The following RAB35 variants were observed in gnomAD, a reference collection of about 807,000 sequenced individuals.
RAB35 encodes ras-related protein Rab-35.
In RAB35, 4 loss-of-function variants were observed where a neutral mutation model predicts 28.9. That is an observed-to-expected ratio of 0.14 (90% CI 0.07 to 0.32). RAB35 has a LOEUF of 0.32. Ranked by LOEUF, RAB35 falls within the 10% of genes least tolerant of loss-of-function variation. The probability of loss-of-function intolerance (pLI) is 1.00; values close to 1 mark genes in which losing one functional copy is unlikely to be tolerated. For synonymous variants in RAB35, 99 were observed against 105.1 expected, an observed-to-expected ratio of 0.94 and a Z score of 0.35; for missense variants, 128 against 274.0, an observed-to-expected ratio of 0.47 and a Z score of 3.76.
At position 120,116,747 on chromosome 12, in the gene RAB35, C is replaced by G. The variant is rs1876360138; in HGVS notation, c.-97G>C. On this transcript the variant is annotated 5_prime_UTR_variant, in exon 1 of 6. Transcript: ENST00000229340. ...TGCTCCGGCAGCGGCGGATCCACTTCCCGAACAAACAGCCGGAACTGACAG... is the reference window on the plus strand; with the variant it reads ...TGCTCCGGCAGCGGCGGATCCACTTGCCGAACAAACAGCCGGAACTGACAG... 3 of 1,189,038 alleles carry G rather than the reference C, an allele frequency of 2.5e-6. No homozygotes were observed. Among genetic ancestry groups the G allele is most frequent in the Non-Finnish European group, 3.1e-6 (3 of 958,742 alleles). The allele number at this position is 1,189,038 out of a possible 1,614,324, so 73.7% of individuals were successfully genotyped here.
intron 1 of RAB35, 135 bp downstream of exon 1, chr12:120,116,464 G>A: frequency 1.7e-6 from 1 of 572,046 alleles, no homozygotes; most frequent in Non-Finnish European, 2.2e-6. Context: ...GCGCACCCCT[G>A]GGGCCCAGAC....
At chr12:120,109,980 T>G (rs936822763) in intron 1 of RAB35, among the ~76,000 whole-genome samples, 1 of 152,196 alleles carries the variant, frequency 6.6e-6, no homozygotes, top group Admixed American at 6.5e-5. Context: ...TCTTTGATTA[T>G]AATTCTGGCC....
intron 5 of RAB35, 77 bp from the exon 6 acceptor site, chr12:120,097,450 G>A (rs985631611): frequency 6.8e-6 from 8 of 1,173,144 alleles, no homozygotes; most frequent in African/African-American, 1.5e-5. Context: ...CTGCCTCCCC[G>A]CCTTCCGGGG....
rs1780232612 is a variant in RAB35 at position 120,095,690 on chromosome 12, G to C, written c.*1555C>G. On this transcript the variant is annotated 3_prime_UTR_variant, in exon 6 of 6. Transcript: ENST00000229340. ...CCCCATCCCGTGGCTCCAAAGTGAA[G>C]GCCTGTCCCAGAATCACCAGCTTTT... 1 of 152,120 alleles carries C rather than the reference G, an allele frequency of 6.6e-6. No individual in the cohort carries two copies. Among genetic ancestry groups the C allele is most frequent in the African/African-American group, 2.4e-5 (1 of 41,384 alleles). 9.4% of individuals were successfully genotyped at this position (152,120 alleles called of 1,614,324 possible).
Position 120,114,116 on chromosome 12 carries a change from G to A in RAB35, c.52+2483C>T, listed in dbSNP as rs149012652. ...GCCTCAGTTTCCTTTTTTTTAAGAC[G>A]GAGTTTCATTCTTGTCGCCCAGGCT... On this transcript the variant is annotated intron_variant, in intron 1 of 5. Coordinates refer to ENST00000229340, the MANE Select transcript of RAB35 (RefSeq NM_006861.7). 6.4e-3 allele frequency among the ~76,000 whole-genome samples: 974 copies of A among 152,132 alleles called. 6 individuals are homozygous for A. The highest frequency in any genetic ancestry group is 7.9e-3 in the Non-Finnish European group (534 of 67,996).
chr12:120,097,063 A>C lies in RAB35; in HGVS notation c.*182T>G. ...CCAGTAGGGAAGGGCGGGCTGGTCC[A>C]ACACCTTCTTGGCACTCGAGGAGGG... is the stretch of plus-strand genomic sequence containing the variant. On this transcript the variant is annotated 3_prime_UTR_variant, in exon 6 of 6. Transcript: ENST00000229340. 1 of 1,537,704 alleles carries C rather than the reference A, an allele frequency of 6.5e-7. No homozygotes were observed. Among genetic ancestry groups the C allele is most frequent in the Non-Finnish European group, 8.7e-7 (1 of 1,147,098 alleles).
intron 2 of RAB35, among the ~76,000 whole-genome samples, chr12:120,104,915 C>G (rs1875811374): frequency 6.6e-6 from 1 of 152,192 alleles, no homozygotes; most frequent in South Asian, 2.1e-4. Flanking sequence ...ATTACAGGCA[C>G]AAGCCACCGT....
At chr12:120,105,539 G>A (rs904668680) in intron 2 of RAB35, among the ~76,000 whole-genome samples, 1 of 152,196 alleles carries the variant, frequency 6.6e-6, no homozygotes, top group Non-Finnish European at 1.5e-5. Context: ...TGTCACAGCA[G>A]GGGGAGGGAA....
intron 1 of RAB35, among the ~76,000 whole-genome samples, chr12:120,109,132 C>G (rs921053066): frequency 6.6e-6 from 1 of 152,218 alleles, no homozygotes; most frequent in Non-Finnish European, 1.5e-5. Context: ...ATGTACACAT[C>G]TGGCCTCCCC....
chr12:120,098,393 C>T (rs796540621), intron 5 of RAB35, among the ~76,000 whole-genome samples: 4 of 152,342 alleles, frequency 2.6e-5, no homozygotes, highest in Admixed American at 1.3e-4. Context: ...AGCCTGTGCC[C>T]GCTGCTGTGT....
chr12:120,111,955 A>G (rs73410873), intron 1 of RAB35, among the ~76,000 whole-genome samples: 33,969 of 150,760 alleles, frequency 0.23, 7,144 homozygotes, highest in African/African-American at 0.56. Context: ...GCACATCAGC[A>G]TGACCCCAAC....
chr12:120,099,252 G>A, intron 3 of RAB35, 98 bp from the exon 4 acceptor site: 1 of 1,515,012 alleles, frequency 6.6e-7, no homozygotes. Context: ...CCCGGAAAAG[G>A]TGAGGGTGGC....
rs1875384561 is a variant in RAB35 at position 120,096,265 on chromosome 12, CAATGGCAGGA to C, written c.*970_*979del. On this transcript the variant is annotated 3_prime_UTR_variant, in exon 6 of 6. Transcript: ENST00000229340. ...AAGAAAGCCCAAGAGTCCAGCCCCACAATGGCAGGAAGCCATTCATTTTTTTCTAAAAACA... is the reference window on the plus strand; with the variant it reads ...AAGAAAGCCCAAGAGTCCAGCCCCACAGCCATTCATTTTTTTCTAAAAACA... The C allele has an allele frequency of 2.0e-6, 1 of 492,160 alleles. No individual in the cohort carries two copies. The highest frequency in any genetic ancestry group is 3.3e-6 in the Non-Finnish European group (1 of 305,230). The allele number at this position is 492,160 out of a possible 1,614,324, so 30.5% of individuals were successfully genotyped here.
At chr12:120,110,289 C>CCTTTTTTTTTT (rs1430969524) in intron 1 of RAB35, among the ~76,000 whole-genome samples, 1 of 24,966 alleles carries the variant, frequency 4.0e-5, no homozygotes, top group Non-Finnish European at 7.1e-5. Context: ...AAGCCCACAG[C>CCTTTTTTTTTT]ATTTTTTTTT....
rs561966175 is a variant in RAB35 at position 120,098,172 on chromosome 12, G to C, written c.477+639C>G. Among the ~76,000 whole-genome samples the C allele has an allele frequency of 5.1e-4, 78 of 152,352 alleles. No homozygotes were observed. In the Middle Eastern group the frequency reaches 0.017, roughly 33 times the overall value. On this transcript the variant is annotated intron_variant, in intron 5 of 5. Coordinates refer to ENST00000229340, the MANE Select transcript of RAB35 (RefSeq NM_006861.7). ...GCACTGAGATTACAGGCGTGAGCCGGCGCGCCCGGCCCAGCTGGAATCTTA... is the reference window on the plus strand; with the variant it reads ...GCACTGAGATTACAGGCGTGAGCCGCCGCGCCCGGCCCAGCTGGAATCTTA...
Position 120,110,290 on chromosome 12 carries a change from A to ATTTTT in RAB35, c.53-1828_53-1824dup, listed in dbSNP as rs3999541. On this transcript the variant is annotated intron_variant, in intron 1 of 5. Transcript: ENST00000229340. ...TCTGTTCATGGGAGAAGCCCACAGC[A>ATTTTT]TTTTTTTTTTTTTTGGAGAGATAGG... 2.1e-4 allele frequency among the ~76,000 whole-genome samples: 19 copies of ATTTTT among 88,596 alleles called. 2 individuals are homozygous for ATTTTT. Among genetic ancestry groups the ATTTTT allele is most frequent in the African/African-American group, 7.0e-4 (14 of 20,048 alleles). The allele number at this position is 88,596 out of a possible 152,430, so 58.1% of individuals were successfully genotyped here.
rs1341964493 is a variant in RAB35, at chr12:120,096,994, C to T, written c.*251G>A. The T allele has an allele frequency of 1.3e-6, 2 of 1,490,636 alleles. No homozygotes were observed. Among genetic ancestry groups the T allele is most frequent in the Non-Finnish European group, 1.8e-6 (2 of 1,118,344 alleles). The allele number at this position is 1,490,636 out of a possible 1,614,324, so 92.3% of individuals were successfully genotyped here. A position where few individuals can be genotyped will look rare whatever the true frequency, so the allele number is the denominator to read the frequency against. On this transcript the variant is annotated 3_prime_UTR_variant, in exon 6 of 6. Coordinates refer to ENST00000229340, the MANE Select transcript of RAB35 (RefSeq NM_006861.7). ...GCGAATCAGTCCGCTCGGCGGGCAGCGTCCTCGCCAGGTCCAGGCGCCTTG... is the reference window on the plus strand; with the variant it reads ...GCGAATCAGTCCGCTCGGCGGGCAGTGTCCTCGCCAGGTCCAGGCGCCTTG...
At position 120,096,400 on chromosome 12, in the gene RAB35, C is replaced by G. The variant is rs1458654367; in HGVS notation, c.*845G>C. The G allele has an allele frequency of 7.9e-7, 1 of 1,259,126 alleles. No homozygotes were observed. Among genetic ancestry groups the G allele is most frequent in the Non-Finnish European group, 1.0e-6 (1 of 970,998 alleles). The allele number at this position is 1,259,126 out of a possible 1,614,324, so 78.0% of individuals were successfully genotyped here. Reference sequence around the variant, plus strand: ...GAATTTAATTCACTTGATTTGGCTTCATTTTCTTGATCTGTTAAAATAATC... The same window carrying G: ...GAATTTAATTCACTTGATTTGGCTTGATTTTCTTGATCTGTTAAAATAATC... On this transcript the variant is annotated 3_prime_UTR_variant, in exon 6 of 6. Transcript: ENST00000229340.
chr12:120,098,880 G>A lies in RAB35; in HGVS notation c.408C>T (p.Tyr136=). Residue 136 remains tyrosine (Y), a synonymous_variant, in exon 5 of 6, where the codon TAC becomes TAT. Coordinates refer to ENST00000229340, the MANE Select transcript of RAB35 (RefSeq NM_006861.7). ...GGATGCCCATCTGCCCGGCGAATTT[G>A]TAGGCATCTTCCGTCTCCACCACCT... ...ERKVVETEDA[Y]KFAGQMGIQL... 1.2e-6 allele frequency: 2 copies of A among 1,614,210 alleles called. No individual in the cohort carries two copies. The highest frequency in any genetic ancestry group is 1.7e-6 in the Non-Finnish European group (2 of 1,180,040).
Sources: gnomAD v4.1 joint callset for allele counts (sites outside exome capture counted in the v4.1 genomes callset) on GRCh38, gnomAD v4.1.1 for gene constraint, MANE v1.5 for transcripts, NCBI Gene and HGNC (gene_info 2026-07-23, HGNC 2026-07-21) for gene names.